AGBL3: variants seen among roughly 807,000 people sequenced by gnomAD.
The protein encoded by AGBL3 is AGBL carboxypeptidase 3, also known as cytosolic carboxypeptidase 3.
A neutral mutation model predicts 94.5 loss-of-function variants in AGBL3; 68 were observed. The ratio of observed to expected loss-of-function variants is 0.72; its 90% CI spans 0.59 to 0.88. The LOEUF (loss-of-function observed/expected upper bound fraction) is 0.88, where lower values mean the gene tolerates loss of function less well. Among genes scored for constraint, AGBL3 ranks in the 40% least tolerant of loss-of-function variants. The probability of loss-of-function intolerance (pLI) is 0.00; values close to 1 mark genes in which losing one functional copy is unlikely to be tolerated. For synonymous variants in AGBL3, 354 were observed against 370.7 expected (o/e 0.95, Z 0.52); for missense variants, 934 against 1,103.8 (o/e 0.85, Z 2.18).
intron 7 of AGBL3, among the ~76,000 whole-genome samples, chr7:135,035,832 C>T (rs945323757): frequency 6.6e-6 from 1 of 152,052 alleles, no homozygotes; most frequent in East Asian, 1.9e-4. Flanking sequence ...AAATGTACAG[C>T]ATGTTTCATA....
chr7:135,063,499 G>A (rs1819020875), intron 12 of AGBL3, among the ~76,000 whole-genome samples: 1 of 151,788 alleles, frequency 6.6e-6, no homozygotes, highest in South Asian at 2.1e-4. Flanking sequence ...CTTTTTTGAT[G>A]TAGGTGTTTA....
Position 135,080,224 on chromosome 7 carries a change from C to T in AGBL3, c.2002C>T (p.Leu668=). Residue 668 remains leucine, a synonymous_variant, in exon 14 of 17, where the codon CTG becomes TTG. Coordinates refer to ENST00000436302, the MANE Select transcript of AGBL3 (RefSeq NM_178563.4). ...TTAGGTTTATGATAGAGGGCATTTG[C>T]TGCAAAGACACACACAATCAAATTC... is the stretch of plus-strand genomic sequence containing the variant. The part of the protein sequence containing the change: ...GQEVYDRGHL[L]QRHTQSNSDV... The T allele has an allele frequency of 6.5e-7, 1 of 1,549,444 alleles. No homozygotes were observed. The highest frequency in any genetic ancestry group is 8.7e-7 in the Non-Finnish European group (1 of 1,145,290).
chr7:134,991,205 G>GGGT (rs1563159607), intron 3 of AGBL3, among the ~76,000 whole-genome samples: 2 of 114,560 alleles, frequency 1.7e-5, no homozygotes, highest in African/African-American at 6.4e-5. Context: ...TGTGGGTGGG[G>GGGT]GGGGGGTTGG....
chr7:135,022,994 G>A (rs935718785), intron 5 of AGBL3, among the ~76,000 whole-genome samples: 4 of 151,976 alleles, frequency 2.6e-5, no homozygotes, highest in African/African-American at 9.7e-5. Context: ...GGCTTATCAT[G>A]TATATCTGTT....
At chr7:134,997,220 T>C (rs889154595) in intron 4 of AGBL3, among the ~76,000 whole-genome samples, 6 of 152,204 alleles carry the variant, frequency 3.9e-5, no homozygotes, top group Non-Finnish European at 7.3e-5. Flanking sequence ...AATCTAATGT[T>C]GCTGCTGATC....
chr7:135,041,481 G>A (rs1229109663), intron 8 of AGBL3, among the ~76,000 whole-genome samples: 2 of 152,126 alleles, frequency 1.3e-5, no homozygotes, highest in African/African-American at 4.8e-5. Flanking sequence ...TTTGACAAAG[G>A]TGCACAGGAA....
chr7:135,109,147 T>C (rs1825223656), intron 15 of AGBL3, among the ~76,000 whole-genome samples: 1 of 152,238 alleles, frequency 6.6e-6, no homozygotes. Flanking sequence ...TGAATTTTGA[T>C]GATCTTTCCT....
intron 5 of AGBL3, among the ~76,000 whole-genome samples, chr7:135,021,588 G>A (rs969773046): frequency 1.8e-4 from 27 of 151,284 alleles, no homozygotes; most frequent in East Asian, 9.7e-4. Flanking sequence ...CACCACGCCC[G>A]GCCCTACTTT....
intron 4 of AGBL3, among the ~76,000 whole-genome samples, chr7:135,002,580 C>T (rs534465890): frequency 4.6e-5 from 7 of 152,248 alleles, no homozygotes; most frequent in African/African-American, 1.4e-4. Context: ...TAGCCCAAGG[C>T]CCCAAGTAGA....
At chr7:135,057,807 C>A (rs1818469545) in intron 11 of AGBL3, among the ~76,000 whole-genome samples, 1 of 152,078 alleles carries the variant, frequency 6.6e-6, no homozygotes, top group Admixed American at 6.6e-5. Context: ...AATGAGCTAT[C>A]AAACCATAAA....
chr7:134,999,564 T>C (rs74998427), intron 4 of AGBL3, among the ~76,000 whole-genome samples: 150 of 152,316 alleles, frequency 9.8e-4, no homozygotes, highest in Non-Finnish European at 1.5e-3. Flanking sequence ...CTGGGTCCAG[T>C]CATCATCTGA....
intron 15 of AGBL3, among the ~76,000 whole-genome samples, chr7:135,107,835 G>A (rs1160029163): frequency 1.4e-4 from 21 of 152,130 alleles, no homozygotes; most frequent in Admixed American, 1.4e-3. Flanking sequence ...ACTATTTTGT[G>A]TGGGAATCTA....
intron 16 of AGBL3, among the ~76,000 whole-genome samples, chr7:135,124,136 A>G (rs1279742773): frequency 6.6e-6 from 1 of 152,140 alleles, no homozygotes. Context: ...GGTGTGCTGC[A>G]TCCAGGAGAC....
At chr7:135,102,286 T>C (rs1468572595) in intron 15 of AGBL3, among the ~76,000 whole-genome samples, 1 of 152,220 alleles carries the variant, frequency 6.6e-6, no homozygotes, top group Non-Finnish European at 1.5e-5. Flanking sequence ...TGGACTACCA[T>C]GGAAATTATA....
At position 135,045,491 on chromosome 7, in the gene AGBL3, C is replaced by A; in HGVS notation, c.1645C>A (p.His549Asn). The change falls in exon 10 of 17, where the codon CAT (histidine) becomes AAT (asparagine). Residue 549 changes from histidine to asparagine, a missense_variant. Transcript: ENST00000436302. Reference sequence around the variant, plus strand: ...TGTTTTAGGTAACAAACGAGGCACTCATTTCAGCACGAAAGACCTGGAATC... The same window carrying A: ...TGTTTTAGGTAACAAACGAGGCACTAATTTCAGCACGAAAGACCTGGAATC... The part of the protein sequence containing the change: ...GSTLGNKRGT[H>N]FSTKDLESMG... 1 of 1,551,096 alleles carries A rather than the reference C, an allele frequency of 6.4e-7. No individual in the cohort carries two copies. Among genetic ancestry groups the A allele is most frequent in the Non-Finnish European group, 8.7e-7 (1 of 1,146,538 alleles).
At chr7:135,027,603 TC>T (rs1815290389) in intron 5 of AGBL3, among the ~76,000 whole-genome samples, 1 of 151,614 alleles carries the variant, frequency 6.6e-6, no homozygotes, top group South Asian at 2.1e-4. Context: ...ATTTGTCTAA[TC>T]CTGTATTTTT....
In AGBL3 at chr7:135,037,438, TTA is replaced by T; in HGVS notation, c.1360_1361del (p.Ile454PhefsTer4). On this transcript the variant is annotated frameshift_variant, in exon 8 of 17. Transcript: ENST00000436302. LOFTEE classifies it high-confidence loss of function. Reference sequence around the variant, plus strand: ...GGCAGACTGATGGAGAAACGAGAGGTTATTTTATACTGTGATCTTCATGGCCA... The same window carrying T: ...GGCAGACTGATGGAGAAACGAGAGGTTTTTATACTGTGATCTTCATGGCCA... 1 of 1,542,488 alleles carries T rather than the reference TTA, an allele frequency of 6.5e-7. No individual in the cohort carries two copies. Among genetic ancestry groups the T allele is most frequent in the Non-Finnish European group, 8.7e-7 (1 of 1,143,582 alleles).
chr7:135,055,521 TA>T (rs1176913019), intron 11 of AGBL3, among the ~76,000 whole-genome samples: 3 of 113,646 alleles, frequency 2.6e-5, no homozygotes, highest in African/African-American at 9.0e-5. Context: ...TATATTGATA[TA>T]ATTTTTTTTC....
At position 135,019,799 on chromosome 7, in the gene AGBL3, A is replaced by G. The variant is rs138924285; in HGVS notation, c.418+2640A>G. Among the ~76,000 whole-genome samples, 346 of 152,326 alleles carry G rather than the reference A, an allele frequency of 2.3e-3. 1 individual carries two copies. The highest frequency in any genetic ancestry group is 7.6e-3 in the African/African-American group (317 of 41,578). ...CATCTGATCTTTGACAAACCTGACA[A>G]AAACAAGAAATGGGGAAAGGATTCC... On this transcript the variant is annotated intron_variant, in intron 5 of 16. Coordinates refer to ENST00000436302, the MANE Select transcript of AGBL3 (RefSeq NM_178563.4).
Sources: allele counts gnomAD v4.1 joint callset (sites outside exome capture counted in the v4.1 genomes callset), GRCh38; gene constraint gnomAD v4.1.1; transcripts MANE v1.5; gene names NCBI Gene and HGNC (gene_info 2026-07-23, HGNC 2026-07-21).